CSMD1: variants seen among roughly 807,000 people sequenced by gnomAD.
CSMD1 encodes the protein CUB and Sushi multiple domains 1, also known as CUB and sushi domain-containing protein 1.
Under a neutral mutation model 417.5 loss-of-function variants are expected in CSMD1, and 213 were observed. The ratio of observed to expected loss-of-function variants is 0.51; its 90% CI spans 0.46 to 0.57. CSMD1 has a LOEUF of 0.57. Among genes scored for constraint, CSMD1 ranks in the 20% least tolerant of loss-of-function variants. The pLI, the probability that CSMD1 is intolerant of heterozygous loss-of-function variation, is 0.00. For synonymous variants in CSMD1, 2,862 were observed against 1,736.8 expected, an observed-to-expected ratio of 1.65 and a Z score of -16.11; for missense variants, 6,923 against 4,529.7, an observed-to-expected ratio of 1.53 and a Z score of -15.17.
chr8:4,869,538 T>A (rs1802612389), intron 1 of CSMD1, among the ~76,000 whole-genome samples: 1 of 152,062 alleles, frequency 6.6e-6, no homozygotes, highest in Non-Finnish European at 1.5e-5. Context: ...TCTATTTATA[T>A]TTTTTTACTG....
intron 7 of CSMD1, among the ~76,000 whole-genome samples, chr8:3,628,831 T>A (rs1338100527): frequency 1.3e-5 from 2 of 152,098 alleles, no homozygotes; most frequent in Non-Finnish European, 2.9e-5. Flanking sequence ...CTCATCTCTC[T>A]CTTTCTTAAG....
At chr8:4,069,896 G>C (rs1021129429) in intron 3 of CSMD1, among the ~76,000 whole-genome samples, 2 of 150,954 alleles carry the variant, frequency 1.3e-5, no homozygotes, top group Non-Finnish European at 3.0e-5. Flanking sequence ...GTTTTGTTTT[G>C]TTTTGTTTTT....
chr8:3,901,288 C>A (rs1037577538), intron 5 of CSMD1, among the ~76,000 whole-genome samples: 2 of 152,026 alleles, frequency 1.3e-5, no homozygotes, highest in Admixed American at 6.5e-5. Flanking sequence ...CACTTTTTCC[C>A]TTTTTCTTTC....
intron 5 of CSMD1, among the ~76,000 whole-genome samples, chr8:3,969,196 G>C (rs1223550275): frequency 6.6e-6 from 1 of 152,178 alleles, no homozygotes; most frequent in Non-Finnish European, 1.5e-5. Flanking sequence ...GTTGCAGTGA[G>C]CCTAGATCGT....
intron 7 of CSMD1, among the ~76,000 whole-genome samples, chr8:3,668,252 G>T (rs1266924284): frequency 6.6e-6 from 1 of 152,148 alleles, no homozygotes; most frequent in African/African-American, 2.4e-5. Context: ...CTCATTCTGG[G>T]TGATGAGTTC....
At position 4,749,074 on chromosome 8, in the gene CSMD1, G is replaced by A. The variant is rs549441284; in HGVS notation, c.86-111516C>T. Among the ~76,000 whole-genome samples, 43 of 152,280 alleles carry A rather than the reference G, an allele frequency of 2.8e-4. No homozygotes were observed. In the South Asian group the frequency reaches 6.6e-3, roughly 23 times the overall value. On this transcript the variant is annotated intron_variant, in intron 1 of 69. Coordinates refer to ENST00000635120, the MANE Select transcript of CSMD1 (RefSeq NM_033225.6). ...TGTGTGCGTGTGTGTGTGTGTGAGC[G>A]CACGCTCGCCTGCCCATGCAGTCTC...
At chr8:4,124,028 T>C (rs74635807) in intron 3 of CSMD1, among the ~76,000 whole-genome samples, 1 of 152,190 alleles carries the variant, frequency 6.6e-6, no homozygotes, top group Non-Finnish European at 1.5e-5. Flanking sequence ...ACTTTTTTTT[T>C]TCTACATTGC....
intron 54 of CSMD1, among the ~76,000 whole-genome samples, chr8:2,982,610 T>C (rs1805520919): frequency 1.3e-5 from 2 of 152,292 alleles, no homozygotes; most frequent in African/African-American, 4.8e-5. Context: ...CCTCACACCG[T>C]AGTAGGTCTC....
intron 3 of CSMD1, among the ~76,000 whole-genome samples, chr8:4,042,894 G>A (rs1339977277): frequency 2.1e-5 from 3 of 144,810 alleles, no homozygotes; most frequent in Non-Finnish European, 4.5e-5. Context: ...TTGGGAGGCT[G>A]AGGTGGGAAG....
intron 3 of CSMD1, among the ~76,000 whole-genome samples, chr8:4,243,819 G>T (rs1440367402): frequency 6.6e-6 from 1 of 152,138 alleles, no homozygotes; most frequent in East Asian, 1.9e-4. Flanking sequence ...TCTTTACAAT[G>T]AAACAAAGAT....
chr8:3,072,502 C>T (rs1273845290), intron 49 of CSMD1, among the ~76,000 whole-genome samples: 1 of 152,032 alleles, frequency 6.6e-6, no homozygotes, highest in South Asian at 2.1e-4. Context: ...AATGTTCCAC[C>T]AAGCTTGTCA....
chr8:4,165,605 G>A (rs932516189), intron 3 of CSMD1, among the ~76,000 whole-genome samples: 1 of 152,128 alleles, frequency 6.6e-6, no homozygotes, highest in African/African-American at 2.4e-5. Context: ...GTCTCACTAT[G>A]TTGCCCAGGC....
At chr8:3,014,393 A>C (rs574001384) in intron 52 of CSMD1, among the ~76,000 whole-genome samples, 6 of 152,170 alleles carry the variant, frequency 3.9e-5, no homozygotes, top group Non-Finnish European at 5.9e-5. Context: ...ATGGTTTTTG[A>C]TAGCTAGCTT....
At chr8:4,935,184 C>G (rs1466368472) in intron 1 of CSMD1, among the ~76,000 whole-genome samples, 1 of 152,234 alleles carries the variant, frequency 6.6e-6, no homozygotes, top group Non-Finnish European at 1.5e-5. Flanking sequence ...ATGGGCCATG[C>G]TGTTTCACAG....
chr8:3,757,658 T>C (rs1797734456), intron 5 of CSMD1, among the ~76,000 whole-genome samples: 1 of 150,618 alleles, frequency 6.6e-6, no homozygotes, highest in Non-Finnish European at 1.5e-5. Context: ...AGGTCAAGAG[T>C]TCAAGACAAG....
intron 3 of CSMD1, among the ~76,000 whole-genome samples, chr8:4,067,451 G>A (rs1019752766): frequency 6.6e-6 from 1 of 151,268 alleles, no homozygotes; most frequent in Non-Finnish European, 1.5e-5. Flanking sequence ...TTATACAGTG[G>A]TATATCAGTT....
At chr8:3,657,938 G>A (rs949360025) in intron 7 of CSMD1, among the ~76,000 whole-genome samples, 5 of 151,992 alleles carry the variant, frequency 3.3e-5, no homozygotes, top group African/African-American at 9.7e-5. Context: ...TGATGGGGAG[G>A]GACCTTACAT....
chr8:4,149,689 A>C (rs1714711), intron 3 of CSMD1, among the ~76,000 whole-genome samples: 52,871 of 152,056 alleles, frequency 0.35, 10,501 homozygotes, highest in East Asian at 0.58. Flanking sequence ...GGAATAAACA[A>C]TGCTGAGTGA....
intron 39 of CSMD1, among the ~76,000 whole-genome samples, chr8:3,155,672 T>C (rs896153727): frequency 3.3e-5 from 5 of 152,174 alleles, no homozygotes; most frequent in African/African-American, 1.2e-4. Context: ...CGGTCAAGGC[T>C]GGGATTTTAA....
Sources: allele counts gnomAD v4.1 joint callset (sites outside exome capture counted in the v4.1 genomes callset), GRCh38; gene constraint gnomAD v4.1.1; transcripts MANE v1.5; gene names NCBI Gene and HGNC (gene_info 2026-07-23, HGNC 2026-07-21).